XIRP2: variants seen among roughly 807,000 people sequenced by gnomAD.
The protein encoded by XIRP2 is xin actin-binding repeat-containing protein 2.
Under a neutral mutation model 277.0 loss-of-function variants are expected in XIRP2, and 236 were observed. The observed-to-expected ratio is 0.85, with a 90% confidence interval of 0.77 to 0.95. The LOEUF (loss-of-function observed/expected upper bound fraction) is 0.95, where lower values mean the gene tolerates loss of function less well. XIRP2 is among the 40% of genes least tolerant of loss of function. The probability of loss-of-function intolerance (pLI) is 0.00; values close to 1 mark genes in which losing one functional copy is unlikely to be tolerated. For synonymous variants in XIRP2, 1,490 were observed against 1,416.5 expected (o/e 1.05, Z -1.17); for missense variants, 4,640 against 4,157.5 (o/e 1.12, Z -3.19).
chr2:167,191,383 T>C (rs1169747942), intron 3 of XIRP2, among the ~76,000 whole-genome samples: 1 of 152,190 alleles, frequency 6.6e-6, no homozygotes, highest in Non-Finnish European at 1.5e-5. Flanking sequence ...TGTCTTGATT[T>C]GTTTCTGTAC....
chr2:167,038,433 ATATAT>A (rs1160166411), intron 2 of XIRP2, among the ~76,000 whole-genome samples: 1 of 151,416 alleles, frequency 6.6e-6, no homozygotes, highest in Non-Finnish European at 1.5e-5. Context: ...AAATATTGTA[ATATAT>A]TAAATAACTA....
chr2:166,969,244 G>T (rs1264750511), intron 2 of XIRP2, among the ~76,000 whole-genome samples: 1 of 151,936 alleles, frequency 6.6e-6, no homozygotes, highest in Non-Finnish European at 1.5e-5. Flanking sequence ...GTGGTAAGAG[G>T]ATGAGGTCAA....
rs189103055 is a variant in XIRP2, at chr2:166,986,583, G to A, written c.408+82693G>A. ...CTGCCTTTAGCACCTGCTTTCTCTT[G>A]AGATGTTTGTGTCACCAAATATTTC... On this transcript the variant is annotated intron_variant, in intron 2 of 10. Coordinates refer to ENST00000409195, the MANE Select transcript of XIRP2 (RefSeq NM_152381.6). Among the ~76,000 whole-genome samples the A allele has an allele frequency of 2.7e-3, 406 of 152,294 alleles. 3 individuals are homozygous for A. Among genetic ancestry groups the A allele is most frequent in the African/African-American group, 9.4e-3 (392 of 41,552 alleles).
intron 4 of XIRP2, among the ~76,000 whole-genome samples, chr2:167,213,229 T>C (rs1344136858): frequency 6.6e-6 from 1 of 152,190 alleles, no homozygotes; most frequent in Non-Finnish European, 1.5e-5. Context: ...CAGATTCATT[T>C]TCAAGTCTGT....
chr2:167,088,171 G>T (rs948883447), intron 2 of XIRP2, among the ~76,000 whole-genome samples: 2 of 152,186 alleles, frequency 1.3e-5, no homozygotes, highest in African/African-American at 4.8e-5. Context: ...ATGATGAAAA[G>T]TTCAGAAATT....
At chr2:166,960,039 T>C (rs1686262225) in intron 2 of XIRP2, among the ~76,000 whole-genome samples, 1 of 151,788 alleles carries the variant, frequency 6.6e-6, no homozygotes, top group Non-Finnish European at 1.5e-5. Flanking sequence ...TGGGCTGTAA[T>C]TTAAGAATAT....
At chr2:167,189,440 G>T (rs1559013377) in intron 3 of XIRP2, among the ~76,000 whole-genome samples, 1 of 152,198 alleles carries the variant, frequency 6.6e-6, no homozygotes, top group African/African-American at 2.4e-5. Flanking sequence ...TGTGAAGACA[G>T]AACTTAATTG....
intron 2 of XIRP2, among the ~76,000 whole-genome samples, chr2:167,012,106 T>C (rs961189744): frequency 6.6e-6 from 1 of 152,026 alleles, no homozygotes; most frequent in Non-Finnish European, 1.5e-5. Flanking sequence ...CTGCTAGTTT[T>C]TGAATGTGTT....
At chr2:166,939,184 C>A (rs1685617833) in intron 2 of XIRP2, among the ~76,000 whole-genome samples, 1 of 152,130 alleles carries the variant, frequency 6.6e-6, no homozygotes, top group African/African-American at 2.4e-5. Flanking sequence ...TTCTTCCTAG[C>A]ATCGATGGTC....
chr2:166,909,102 C>T (rs1001422003), intron 2 of XIRP2, among the ~76,000 whole-genome samples: 5 of 151,872 alleles, frequency 3.3e-5, no homozygotes, highest in African/African-American at 4.8e-5. Flanking sequence ...CAATGTGGGC[C>T]CTTTTTTGGT....
At chr2:167,034,895 G>T (rs1198000534) in intron 2 of XIRP2, among the ~76,000 whole-genome samples, 1 of 152,188 alleles carries the variant, frequency 6.6e-6, no homozygotes, top group Admixed American at 6.5e-5. Flanking sequence ...TTGCGGGAGG[G>T]CCCCAGGTGG....
intron 3 of XIRP2, among the ~76,000 whole-genome samples, chr2:167,197,289 A>G (rs1221367636): frequency 6.6e-6 from 1 of 152,210 alleles, no homozygotes; most frequent in African/African-American, 2.4e-5. Context: ...CTTGTTTTCT[A>G]CACTTCAAAA....
chr2:167,208,492 T>G (rs912364336), intron 3 of XIRP2, among the ~76,000 whole-genome samples: 1 of 152,110 alleles, frequency 6.6e-6, no homozygotes, highest in Non-Finnish European at 1.5e-5. Context: ...TATTTTTTAG[T>G]AGAGACGGGG....
chr2:167,067,728 CT>C (rs998346727), intron 2 of XIRP2, among the ~76,000 whole-genome samples: 1 of 152,164 alleles, frequency 6.6e-6, no homozygotes, highest in Non-Finnish European at 1.5e-5. Context: ...TGCCTCAAAC[CT>C]TCAATCTGTG....
chr2:167,182,002 C>T (rs1249248386), intron 3 of XIRP2, among the ~76,000 whole-genome samples: 4 of 152,098 alleles, frequency 2.6e-5, no homozygotes, highest in South Asian at 4.1e-4. Context: ...ATCACGGTCG[C>T]TCTACTTAAC....
At chr2:167,203,424 GA>G in intron 3 of XIRP2, among the ~76,000 whole-genome samples, 1 of 152,160 alleles carries the variant, frequency 6.6e-6, no homozygotes, top group South Asian at 2.1e-4. Flanking sequence ...GGATTTTTGG[GA>G]AGGTAACAAG....
At position 167,258,902 on chromosome 2, in the gene XIRP2, AGAGCAGCTGCTGGCAGTCCT is replaced by A. The variant is rs1158793208; in HGVS notation, c.*1087_*1106del. 6.2e-7 allele frequency: 1 copy of A among 1,613,094 alleles called. No individual in the cohort carries two copies. Among genetic ancestry groups the A allele is most frequent in the African/African-American group, 1.3e-5 (1 of 74,864 alleles). On this transcript the variant is annotated 3_prime_UTR_variant, in exon 11 of 11. Coordinates refer to ENST00000409195, the MANE Select transcript of XIRP2 (RefSeq NM_152381.6). The stretch of plus-strand genomic sequence containing the variant: ...AATGGCTCTGAAGAAACAGACTGAC[AGAGCAGCTGCTGGCAGTCCT>A]GTGCAGCCTGCTCCAAAACCAAGCC...
intron 2 of XIRP2, among the ~76,000 whole-genome samples, chr2:167,060,926 T>C (rs1689158291): frequency 6.6e-6 from 1 of 152,144 alleles, no homozygotes; most frequent in African/African-American, 2.4e-5. Context: ...AAGATTTTCA[T>C]GAGATTGCAT....
intron 1 of XIRP2, among the ~76,000 whole-genome samples, 158 bp from the exon 2 acceptor site, chr2:166,903,307 G>A (rs548971853): frequency 1.6e-3 from 247 of 152,202 alleles, no homozygotes; most frequent in Non-Finnish European, 2.6e-3. Context: ...GTTGTGGGGT[G>A]AAGTGAAGAG....
Sources: allele counts gnomAD v4.1 joint callset (sites outside exome capture counted in the v4.1 genomes callset), GRCh38; gene constraint gnomAD v4.1.1; transcripts MANE v1.5; gene names NCBI Gene and HGNC (gene_info 2026-07-23, HGNC 2026-07-21).